HECTD2: variants seen among roughly 807,000 people sequenced by gnomAD.
The protein encoded by HECTD2 is probable E3 ubiquitin-protein ligase HECTD2.
In HECTD2, 35 loss-of-function variants were observed where a neutral mutation model predicts 103.2. The observed-to-expected ratio is 0.34, with a 90% CI of 0.26 to 0.45. The LOEUF is 0.45. Among genes scored for constraint, HECTD2 ranks in the 20% least tolerant of loss-of-function variants. The pLI is 1.00. For missense variants in HECTD2, 596 were observed against 937.4 expected (o/e 0.64, Z 4.76); for synonymous variants, 281 against 329.9 (o/e 0.85, Z 1.61).
At chr10:91,413,226 A>C (rs1045202264) in intron 1 of HECTD2, among the ~76,000 whole-genome samples, 1 of 152,198 alleles carries the variant, frequency 6.6e-6, no homozygotes, top group African/African-American at 2.4e-5. Flanking sequence ...TTGAAGAGTT[A>C]GGCTGTATCC....
intron 5 of HECTD2, among the ~76,000 whole-genome samples, chr10:91,474,259 G>A (rs1845830496): frequency 6.6e-6 from 1 of 152,132 alleles, no homozygotes; most frequent in African/African-American, 2.4e-5. Flanking sequence ...AAATAAGATT[G>A]CAGAAACAAG....
chr10:91,476,489 A>G (rs997626287), intron 5 of HECTD2, among the ~76,000 whole-genome samples: 1 of 152,164 alleles, frequency 6.6e-6, no homozygotes, highest in African/African-American at 2.4e-5. Context: ...GAAGACATTG[A>G]GCCAGACTAA....
At chr10:91,441,907 T>TTTTTTG (rs1243267576) in intron 2 of HECTD2, among the ~76,000 whole-genome samples, 1 of 123,002 alleles carries the variant, frequency 8.1e-6, no homozygotes, top group East Asian at 2.3e-4. Flanking sequence ...TTTTTTTTTT[T>TTTTTTG]CTTTTTTTTT....
At chr10:91,444,581 A>G (rs1273128749) in intron 2 of HECTD2, among the ~76,000 whole-genome samples, 1 of 152,206 alleles carries the variant, frequency 6.6e-6, no homozygotes, top group Non-Finnish European at 1.5e-5. Flanking sequence ...ACATTCAGCT[A>G]TTAAGAAAAG....
Position 91,496,271 on chromosome 10 carries a change from T to C in HECTD2, c.1579T>C (p.Cys527Arg). Residue 527 changes from cysteine to arginine, a missense_variant, in exon 15 of 21, where the codon TGT becomes CGT. By Grantham distance (180) the Cys-to-Arg change is radical (BLOSUM62 -3). Transcript: ENST00000298068. ...ITLDIRFPPC[C>R]YKKLLSPPII... Reference sequence around the variant, plus strand: ...CTTGGATATTCGTTTCCCTCCCTGCTGTTACAAGAAATTATTGAGCCCTCC... The same window carrying C: ...CTTGGATATTCGTTTCCCTCCCTGCCGTTACAAGAAATTATTGAGCCCTCC... 1 of 1,612,986 alleles carries C rather than the reference T, an allele frequency of 6.2e-7. No homozygotes were observed. Among genetic ancestry groups the C allele is most frequent in the South Asian group, 1.1e-5 (1 of 90,994 alleles).
chr10:91,425,546 A>G (rs894068364), intron 2 of HECTD2, 136 bp downstream of exon 2: 1 of 541,954 alleles, frequency 1.8e-6, no homozygotes, highest in Admixed American at 4.4e-5. Context: ...ATTTACCAGA[A>G]GCAGCAAAAT....
At chr10:91,501,039 G>T (rs544199543) in intron 19 of HECTD2, 152 bp from the exon 20 acceptor site, 4 of 600,134 alleles carry the variant, frequency 6.7e-6, no homozygotes, top group African/African-American at 3.8e-5. Context: ...AGTCTAATAC[G>T]TATATAGAAG....
chr10:91,471,383 T>C (rs952305317), intron 5 of HECTD2, among the ~76,000 whole-genome samples: 2 of 152,212 alleles, frequency 1.3e-5, no homozygotes, highest in Admixed American at 6.5e-5. Flanking sequence ...GAGCAAAAGC[T>C]ACAAGTCTTC....
At position 91,502,499 on chromosome 10, in the gene HECTD2, T is replaced by C. The variant is rs1042967007; in HGVS notation, c.2210+1165T>C. Among the ~76,000 whole-genome samples the C allele has an allele frequency of 3.3e-5, 5 of 152,338 alleles. No individual in the cohort carries two copies. The East Asian group carries it at 9.6e-4, about 29-fold the overall frequency. ...TCTTCAAGAAAGAGGTTATGCCTTA[T>C]ACATATTTGTATGCTCCAAGTAATC... On this transcript the variant is annotated intron_variant, in intron 20 of 20. Transcript: ENST00000298068.
At chr10:91,439,150 C>T (rs1341506389) in intron 2 of HECTD2, among the ~76,000 whole-genome samples, 1 of 152,086 alleles carries the variant, frequency 6.6e-6, no homozygotes, top group Non-Finnish European at 1.5e-5. Context: ...AAGTCTGTGC[C>T]CACGCCTATG....
intron 6 of HECTD2, among the ~76,000 whole-genome samples, chr10:91,478,752 C>T (rs1444104520): frequency 6.6e-6 from 1 of 151,516 alleles, no homozygotes; most frequent in Non-Finnish European, 1.5e-5. Flanking sequence ...TGTTTTGAAC[C>T]ATGAATATGC....
chr10:91,433,039 T>C (rs934006103), intron 2 of HECTD2, among the ~76,000 whole-genome samples: 1 of 151,942 alleles, frequency 6.6e-6, no homozygotes, highest in Non-Finnish European at 1.5e-5. Flanking sequence ...GCAAAGGACT[T>C]GCCACGTAAG....
At chr10:91,412,668 A>ATGTGTGTGTGTGTGTGTGTG (rs58691011) in intron 1 of HECTD2, among the ~76,000 whole-genome samples, 126 of 147,262 alleles carry the variant, frequency 8.6e-4, no homozygotes, top group African/African-American at 3.0e-3. Context: ...CTGTGGCAGA[A>ATGTGTGTGTGTGTGTGTGTG]TGTGTGTGTG....
chr10:91,445,965 A>G (rs1232137257), intron 2 of HECTD2, among the ~76,000 whole-genome samples: 1 of 152,038 alleles, frequency 6.6e-6, no homozygotes, highest in Non-Finnish European at 1.5e-5. Context: ...TGGCCATTTG[A>G]GCAGACACCG....
chr10:91,487,834 T>A lies in HECTD2; in HGVS notation c.1191+56T>A. ...GACTATAATCAGTATAGTAAATAAT[T>A]TAATAAATAATTTAAATGTCTTGTG... On this transcript the variant is annotated intron_variant, in intron 11 of 20. Coordinates refer to ENST00000298068, the MANE Select transcript of HECTD2 (RefSeq NM_182765.6). This position sits in a 1 kb window ranked among gnomAD's most constrained non-coding sequence, Gnocchi z 4.1. The A allele has an allele frequency of 1.0e-6, 1 of 978,376 alleles. No homozygotes were observed. Among genetic ancestry groups the A allele is most frequent in the Non-Finnish European group, 1.5e-6 (1 of 657,888 alleles). 60.6% of individuals were successfully genotyped at this position (978,376 alleles called of 1,614,324 possible). A position where few individuals can be genotyped will look rare whatever the true frequency, so the allele number is the denominator to read the frequency against.
In HECTD2 at chr10:91,500,550, C is replaced by T; in HGVS notation, c.1999C>T (p.Leu667=). 3 of 1,612,538 alleles carry T rather than the reference C, an allele frequency of 1.9e-6. No individual in the cohort carries two copies. The highest frequency in any genetic ancestry group is 2.5e-6 in the Non-Finnish European group (3 of 1,178,640). Residue 667 remains leucine (L), a synonymous_variant, in exon 19 of 21, where the codon CTG becomes TTG. Transcript: ENST00000298068. ...VEILVCGSPD[L]DMHALQRSTQ... is the part of the protein sequence containing the mutation. ...AATTTTGGTCTGTGGAAGTCCTGAC[C>T]TGGATATGCATGCTCTGCAGAGAAG...
chr10:91,468,594 A>G (rs1845612950), intron 5 of HECTD2, among the ~76,000 whole-genome samples: 1 of 152,118 alleles, frequency 6.6e-6, no homozygotes, highest in Admixed American at 6.5e-5. Context: ...CAGAATATGG[A>G]TAGGAACAAA....
chr10:91,423,914 A>ATGAT (rs1325952881), intron 1 of HECTD2, among the ~76,000 whole-genome samples: 4 of 152,186 alleles, frequency 2.6e-5, no homozygotes, highest in Non-Finnish European at 4.4e-5. Context: ...ATAAATAAGA[A>ATGAT]TGATTGGTTT....
chr10:91,431,074 G>C, intron 2 of HECTD2, among the ~76,000 whole-genome samples: 1 of 151,318 alleles, frequency 6.6e-6, no homozygotes, highest in Non-Finnish European at 1.5e-5. Flanking sequence ...GGGCAGGCCT[G>C]GTGGTGACAA....
Sources: allele counts gnomAD v4.1 joint callset (sites outside exome capture counted in the v4.1 genomes callset), GRCh38; gene constraint gnomAD v4.1.1; non-coding constraint Gnocchi (gnomAD v3.1); transcripts MANE v1.5; gene names NCBI Gene and HGNC (gene_info 2026-07-23, HGNC 2026-07-21).